The following WDR64 variants were observed in gnomAD, a reference collection of about 807,000 sequenced individuals.
WDR64 encodes WD repeat-containing protein 64.
Under a neutral mutation model 139.3 loss-of-function variants are expected in WDR64, and 112 were observed. The observed-to-expected ratio is 0.80, with a 90% CI of 0.69 to 0.94. The LOEUF (loss-of-function observed/expected upper bound fraction) is 0.94. WDR64 is among the 40% of genes least tolerant of loss of function. WDR64 has a pLI of 0.00. For synonymous variants in WDR64, 444 were observed against 437.7 expected (o/e 1.01, Z -0.18); for missense variants, 1,206 against 1,293.1 (o/e 0.93, Z 1.03).
chr1:241,663,005 T>C (rs935543907), intron 2 of WDR64, among the ~76,000 whole-genome samples: 2 of 152,152 alleles, frequency 1.3e-5, no homozygotes, highest in Admixed American at 6.5e-5. Context: ...CTATTAGAAC[T>C]GAGAGGGTTC....
chr1:241,696,844 T>C (rs1475506431), intron 8 of WDR64, among the ~76,000 whole-genome samples: 1 of 152,142 alleles, frequency 6.6e-6, no homozygotes, highest in Non-Finnish European at 1.5e-5. Context: ...ACCTTCTATC[T>C]CATCCTGTGA....
chr1:241,742,477 G>A (rs143053998), intron 12 of WDR64, among the ~76,000 whole-genome samples: 7,097 of 152,174 alleles, frequency 0.047, 510 homozygotes, highest in African/African-American at 0.16. Flanking sequence ...CCAAGATGGC[G>A]ACGAGAGTGA....
intron 17 of WDR64, chr1:241,770,355 T>A: frequency 3.2e-6 from 1 of 311,704 alleles, no homozygotes; most frequent in Non-Finnish European, 5.9e-6. Context: ...AAATCTAGCC[T>A]TTGCAGTGGG....
intron 9 of WDR64, among the ~76,000 whole-genome samples, chr1:241,721,299 A>T (rs1558490274): frequency 6.6e-6 from 1 of 152,158 alleles, no homozygotes; most frequent in African/African-American, 2.4e-5. Flanking sequence ...GTTCCACTTA[A>T]ATTTTAAAAT....
At chr1:241,721,469 G>T (rs2148196131) in intron 9 of WDR64, among the ~76,000 whole-genome samples, 1 of 152,012 alleles carries the variant, frequency 6.6e-6, no homozygotes, top group Non-Finnish European at 1.5e-5. Context: ...AAAGGTCCTT[G>T]GTAATATGTA....
At chr1:241,788,736 G>T (rs1659127533) in intron 24 of WDR64, among the ~76,000 whole-genome samples, 1 of 152,168 alleles carries the variant, frequency 6.6e-6, no homozygotes. Flanking sequence ...ATCAAAGCAG[G>T]AACAATTTGA....
intron 6 of WDR64, 110 bp from the exon 7 acceptor site, chr1:241,683,377 G>T: frequency 1.0e-6 from 1 of 966,532 alleles, no homozygotes; most frequent in Non-Finnish European, 1.5e-6. Context: ...TAAGATAGGT[G>T]TATCTACAAT....
intron 12 of WDR64, among the ~76,000 whole-genome samples, chr1:241,743,818 TG>T (rs1430322642): frequency 3.9e-5 from 6 of 152,186 alleles, no homozygotes; most frequent in Admixed American, 2.0e-4. Context: ...ATTACACAGA[TG>T]GCCTCCTCTG....
In WDR64 at chr1:241,711,894, T is replaced by C. The variant is rs1426724135; in HGVS notation, c.1054+13T>C. ...ATTGTCACTGGAGGTGAGAGGGCGG[T>C]TCACATTACATAGGGGTTTTCTACT... On this transcript the variant is annotated intron_variant, in intron 9 of 27. Coordinates refer to ENST00000437684, the MANE Select transcript of WDR64 (RefSeq NM_001367482.1). 5 of 1,613,726 alleles carry C rather than the reference T, an allele frequency of 3.1e-6. No homozygotes were observed. Among genetic ancestry groups the C allele is most frequent in the Non-Finnish European group, 4.2e-6 (5 of 1,179,754 alleles).
chr1:241,762,858 A>G (rs1657985118), intron 15 of WDR64, among the ~76,000 whole-genome samples: 1 of 152,032 alleles, frequency 6.6e-6, no homozygotes, highest in Non-Finnish European at 1.5e-5. Flanking sequence ...AACATACTGT[A>G]TTAGTTTTCC....
intron 21 of WDR64, among the ~76,000 whole-genome samples, chr1:241,778,210 A>G (rs1216828056): frequency 6.6e-6 from 1 of 152,180 alleles, no homozygotes; most frequent in Non-Finnish European, 1.5e-5. Flanking sequence ...AAGGATGGTC[A>G]AATCTTCTTG....
At chr1:241,760,466 A>T (rs935459105) in intron 15 of WDR64, among the ~76,000 whole-genome samples, 1 of 146,318 alleles carries the variant, frequency 6.8e-6, no homozygotes, top group Non-Finnish European at 1.5e-5. Context: ...GGCCATACAC[A>T]AAATGAAAAC....
chr1:241,725,250 G>C (rs1668759916), intron 10 of WDR64, among the ~76,000 whole-genome samples: 1 of 151,808 alleles, frequency 6.6e-6, no homozygotes, highest in Admixed American at 6.6e-5. Context: ...AGTGTGCAAA[G>C]ATCTGTATTA....
intron 8 of WDR64, among the ~76,000 whole-genome samples, chr1:241,697,614 T>C (rs1229107657): frequency 6.6e-6 from 1 of 152,212 alleles, no homozygotes; most frequent in Non-Finnish European, 1.5e-5. Context: ...ACTATAATGC[T>C]CAAGTCTCTG....
At chr1:241,725,529 CG>C (rs1443510408) in intron 10 of WDR64, among the ~76,000 whole-genome samples, 1 of 151,996 alleles carries the variant, frequency 6.6e-6, no homozygotes, top group Non-Finnish European at 1.5e-5. Context: ...TCCATGCTCA[CG>C]GAACTATGCG....
At chr1:241,780,174 C>T in intron 22 of WDR64, 112 bp downstream of exon 22, 1 of 886,696 alleles carries the variant, frequency 1.1e-6, no homozygotes, top group East Asian at 3.1e-5. Context: ...GTTGTCAAGG[C>T]ACATATACTA....
chr1:241,773,384 G>T (rs1243945000), intron 20 of WDR64, among the ~76,000 whole-genome samples: 1 of 152,184 alleles, frequency 6.6e-6, no homozygotes, highest in Non-Finnish European at 1.5e-5. Context: ...AAGCAGGAAA[G>T]GTGAATCCGG....
chr1:241,750,695 A>G (rs1258415438), intron 14 of WDR64, among the ~76,000 whole-genome samples: 1 of 152,206 alleles, frequency 6.6e-6, no homozygotes, highest in East Asian at 1.9e-4. Context: ...AATTGTTTTT[A>G]GTTCTACTGT....
At chr1:241,661,886 C>G (rs76412773) in intron 2 of WDR64, among the ~76,000 whole-genome samples, 5,767 of 152,298 alleles carry the variant, frequency 0.038, 179 homozygotes, top group South Asian at 0.11. Context: ...GCAATGCTCA[C>G]TCATTCACAA....
Sources: allele counts gnomAD v4.1 joint callset (sites outside exome capture counted in the v4.1 genomes callset), GRCh38; gene constraint gnomAD v4.1.1; transcripts MANE v1.5; gene names NCBI Gene and HGNC (gene_info 2026-07-23, HGNC 2026-07-21).